Variants in CERT1 observed in about 807,000 individuals in gnomAD.
CERT1 encodes the protein ceramide transporter 1.
In CERT1, 31 loss-of-function variants were observed where a neutral mutation model predicts 87.9. The ratio of observed to expected loss-of-function variants is 0.35; its 90% CI spans 0.27 to 0.48. The LOEUF (loss-of-function observed/expected upper bound fraction) is 0.48. CERT1 is among the 20% of genes least tolerant of loss of function. The pLI is 0.99. For missense variants in CERT1, 487 were observed against 758.0 expected (o/e 0.64, Z 4.20); for synonymous variants, 289 against 250.9 (o/e 1.15, Z -1.44).
At chr5:75,467,650 GAA>G (rs58587061) in intron 2 of CERT1, among the ~76,000 whole-genome samples, 1,979 of 132,948 alleles carry the variant, frequency 0.015, 57 homozygotes, top group African/African-American at 0.052. Context: ...CCAAAAAAAA[GAA>G]AAAAAAAAAA....
Position 75,511,467 on chromosome 5 carries a change from C to T in CERT1, c.-260G>A, listed in dbSNP as rs763055479. 4 of 1,517,164 alleles carry T rather than the reference C, an allele frequency of 2.6e-6. No homozygotes were observed. The South Asian group carries it at 3.7e-5, about 14-fold the overall frequency. 94.0% of individuals were successfully genotyped at this position (1,517,164 alleles called of 1,614,324 possible). A position where few individuals can be genotyped will look rare whatever the true frequency, so the allele number is the denominator to read the frequency against. ...AGCCGCCGCCGCCGTCGCCGTGACC[C>T]CTGCGTTGCGCCCGGCGCTGCCACC... On this transcript the variant is annotated 5_prime_UTR_variant, in exon 1 of 17. Coordinates refer to ENST00000643780, the MANE Select transcript of CERT1 (RefSeq NM_001379029.1).
At chr5:75,432,399 T>C (rs566757171) in intron 3 of CERT1, among the ~76,000 whole-genome samples, 11 of 152,352 alleles carry the variant, frequency 7.2e-5, no homozygotes, top group Admixed American at 6.5e-5. Flanking sequence ...TGTTATTTTC[T>C]GAATTTGTTG....
intron 7 of CERT1, among the ~76,000 whole-genome samples, chr5:75,415,652 A>C (rs1444138390): frequency 2.6e-5 from 4 of 152,184 alleles, no homozygotes; most frequent in Admixed American, 2.6e-4. Context: ...AAAGAGACTA[A>C]AGAGAGAGAA....
At chr5:75,393,038 A>C (rs1318164048) in intron 11 of CERT1, among the ~76,000 whole-genome samples, 1 of 150,900 alleles carries the variant, frequency 6.6e-6, no homozygotes, top group African/African-American at 2.4e-5. Flanking sequence ...ATTAAAAAAA[A>C]AACAAAAACA....
intron 3 of CERT1, among the ~76,000 whole-genome samples, chr5:75,454,000 C>G (rs913585903): frequency 1.3e-5 from 2 of 152,156 alleles, no homozygotes; most frequent in African/African-American, 4.8e-5. Context: ...TAAGCCCTAA[C>G]AAAAGCCCAT....
At chr5:75,438,575 A>C (rs544700523) in intron 3 of CERT1, among the ~76,000 whole-genome samples, 10 of 152,234 alleles carry the variant, frequency 6.6e-5, no homozygotes, top group Non-Finnish European at 1.3e-4. Flanking sequence ...TTCCACAAGA[A>C]AAAAGAAGGT....
At chr5:75,433,823 G>C (rs951741454) in intron 3 of CERT1, among the ~76,000 whole-genome samples, 4 of 152,126 alleles carry the variant, frequency 2.6e-5, no homozygotes, top group Admixed American at 2.0e-4. Context: ...TGCTTGGCTT[G>C]TGGTACTGAT....
chr5:75,386,035 C>A lies in CERT1; in HGVS notation c.1285-1G>T. 1 of 1,507,716 alleles carries A rather than the reference C, an allele frequency of 6.6e-7. No individual in the cohort carries two copies. The highest frequency in any genetic ancestry group is 1.4e-5 in the South Asian group (1 of 70,616). 93.4% of individuals were successfully genotyped at this position (1,507,716 alleles called of 1,614,324 possible). ...TTTCTTCTACTTCTCTTCTGTATAC[C>A]TAAAGAGAACATAATTCCAAAACTG... On this transcript the variant is annotated splice_acceptor_variant, in intron 12 of 16. Coordinates refer to ENST00000643780, the MANE Select transcript of CERT1 (RefSeq NM_001379029.1). LOFTEE classifies it high-confidence loss of function.
At chr5:75,401,345 T>C (rs1762464761) in intron 9 of CERT1, 2 of 152,214 alleles carry the variant, frequency 1.3e-5, no homozygotes, top group Admixed American at 1.3e-4. Flanking sequence ...AGTAGCATTT[T>C]AGAGAGAAGA....
intron 17 of CERT1, chr5:75,371,453 T>C (rs1366546279): frequency 6.6e-6 from 1 of 152,222 alleles, no homozygotes; most frequent in East Asian, 1.9e-4. Context: ...GACACTGAAG[T>C]TGTATTAAGT....
chr5:75,388,811 G>A (rs1204168782), intron 12 of CERT1, among the ~76,000 whole-genome samples: 1 of 151,570 alleles, frequency 6.6e-6, no homozygotes, highest in African/African-American at 2.4e-5. Context: ...TTTTGGTAGA[G>A]ACGGGGTTTC....
intron 8 of CERT1, among the ~76,000 whole-genome samples, chr5:75,405,634 A>C (rs1762671212): frequency 6.6e-6 from 1 of 152,112 alleles, no homozygotes; most frequent in Admixed American, 6.6e-5. Context: ...CTTTCCAAAT[A>C]CAATAGTCTC....
intron 7 of CERT1, among the ~76,000 whole-genome samples, chr5:75,413,129 GACA>G (rs1220033457): frequency 1.3e-4 from 20 of 151,898 alleles, no homozygotes; most frequent in Admixed American, 7.9e-4. Context: ...TAAACTAAGA[GACA>G]ACACACACAT....
intron 8 of CERT1, among the ~76,000 whole-genome samples, chr5:75,408,556 C>G (rs1263466404): frequency 6.6e-6 from 1 of 152,096 alleles, no homozygotes; most frequent in Non-Finnish European, 1.5e-5. Flanking sequence ...TGCATGTTCT[C>G]ATTTATGAGT....
At position 75,446,211 on chromosome 5, in the gene CERT1, C is replaced by CAAACT. The variant is rs1430557818; in HGVS notation, c.348+12849_348+12853dup. Among the ~76,000 whole-genome samples, 3 of 152,298 alleles carry CAAACT rather than the reference C, an allele frequency of 2.0e-5. No homozygotes were observed. In the East Asian group the frequency reaches 5.8e-4, roughly 29 times the overall value. The stretch of plus-strand genomic sequence containing the variant: ...ACTTCAATCTTTTCTTTTTGTTCTT[C>CAAACT]AAACTAAATCATATCCGTTGTCCTA... On this transcript the variant is annotated intron_variant, in intron 3 of 16. Coordinates refer to ENST00000643780, the MANE Select transcript of CERT1 (RefSeq NM_001379029.1).
At chr5:75,381,371 T>G (rs967621054) in intron 15 of CERT1, among the ~76,000 whole-genome samples, 170 bp from the exon 16 acceptor site, 1 of 152,092 alleles carries the variant, frequency 6.6e-6, no homozygotes, top group Non-Finnish European at 1.5e-5. Flanking sequence ...CCACTTTTTC[T>G]GGGGACAAGG....
In CERT1 at chr5:75,379,317, T is replaced by A. The variant is rs553450171; in HGVS notation, c.*29A>T. On this transcript the variant is annotated 3_prime_UTR_variant, in exon 17 of 17. Transcript: ENST00000643780. ...TTAGTCAAATAAAGTTAAAAAAAGATAAAACATATCTTCTAGTACCTGTTA... is the reference window on the plus strand; with the variant it reads ...TTAGTCAAATAAAGTTAAAAAAAGAAAAAACATATCTTCTAGTACCTGTTA... The A allele has an allele frequency of 3.2e-5, 50 of 1,567,512 alleles. No homozygotes were observed. The African/African-American group carries it at 5.8e-4, about 18-fold the overall frequency.
At chr5:75,464,088 A>C (rs1580808051) in intron 2 of CERT1, among the ~76,000 whole-genome samples, 1 of 152,302 alleles carries the variant, frequency 6.6e-6, no homozygotes, top group Middle Eastern at 3.4e-3. Flanking sequence ...TGCAAAAGAA[A>C]CCATAAACAT....
At chr5:75,387,535 AG>A (rs1288819156) in intron 12 of CERT1, among the ~76,000 whole-genome samples, 3 of 151,976 alleles carry the variant, frequency 2.0e-5, no homozygotes, top group African/African-American at 7.2e-5. Context: ...TGAGGTCAGG[AG>A]TTCAAGACCA....
Sources: gnomAD v4.1 joint callset for allele counts (sites outside exome capture counted in the v4.1 genomes callset) on GRCh38, gnomAD v4.1.1 for gene constraint, MANE v1.5 for transcripts, NCBI Gene and HGNC (gene_info 2026-07-23, HGNC 2026-07-21) for gene names.